CNTNAP2: variants seen among roughly 807,000 people sequenced by gnomAD.
CNTNAP2 encodes the protein contactin-associated protein-like 2.
A neutral mutation model predicts 155.2 loss-of-function variants in CNTNAP2; 98 were observed. The observed-to-expected ratio is 0.63, with a 90% confidence interval of 0.54 to 0.75. The LOEUF (loss-of-function observed/expected upper bound fraction) is 0.75, where lower values mean the gene tolerates loss of function less well. Ranked by LOEUF, CNTNAP2 falls within the 30% of genes least tolerant of loss-of-function variation. The probability of loss-of-function intolerance (pLI) is 0.00; values close to 1 mark genes in which losing one functional copy is unlikely to be tolerated. For missense variants in CNTNAP2, 1,727 were observed against 1,688.1 expected, an observed-to-expected ratio of 1.02 and a Z score of -0.40; for synonymous variants, 651 against 631.2, an observed-to-expected ratio of 1.03 and a Z score of -0.47.
chr7:148,388,609 T>G (rs964687486), intron 22 of CNTNAP2, among the ~76,000 whole-genome samples: 5 of 152,180 alleles, frequency 3.3e-5, no homozygotes, highest in Non-Finnish European at 7.3e-5. Flanking sequence ...AGAGGTGCTC[T>G]GCTTTTTAGA....
chr7:146,663,862 T>A (rs1001566647), intron 1 of CNTNAP2, among the ~76,000 whole-genome samples: 1 of 152,070 alleles, frequency 6.6e-6, no homozygotes, highest in Non-Finnish European at 1.5e-5. Flanking sequence ...TATTCATTTA[T>A]TTATTTATTT....
intron 12 of CNTNAP2, among the ~76,000 whole-genome samples, chr7:147,629,112 C>T (rs145724525): frequency 9.9e-5 from 15 of 152,088 alleles, no homozygotes; most frequent in Middle Eastern, 3.4e-3. Flanking sequence ...AAAGAAATAA[C>T]GGACATAGGC....
At chr7:146,558,179 C>G (rs1012758868) in intron 1 of CNTNAP2, among the ~76,000 whole-genome samples, 2 of 152,142 alleles carry the variant, frequency 1.3e-5, no homozygotes, top group Admixed American at 6.5e-5. Context: ...CATTCATAGC[C>G]TGAGGCACCG....
intron 11 of CNTNAP2, among the ~76,000 whole-genome samples, chr7:147,515,306 A>C: frequency 6.9e-6 from 1 of 145,888 alleles, no homozygotes. Context: ...ATTTTTCTTC[A>C]TAGTTCATTA....
chr7:147,634,542 C>A (rs1039802479), intron 12 of CNTNAP2, among the ~76,000 whole-genome samples: 1 of 151,912 alleles, frequency 6.6e-6, no homozygotes, highest in African/African-American at 2.4e-5. Context: ...CAGAAATCAC[C>A]ACTAAAGAAC....
intron 21 of CNTNAP2, among the ~76,000 whole-genome samples, chr7:148,268,074 A>G (rs1796706499): frequency 6.6e-6 from 1 of 152,222 alleles, no homozygotes; most frequent in Non-Finnish European, 1.5e-5. Context: ...ATGTACCATG[A>G]GCCACAGATA....
intron 14 of CNTNAP2, among the ~76,000 whole-genome samples, chr7:147,964,021 G>A (rs1021051367): frequency 3.3e-5 from 5 of 152,046 alleles, no homozygotes; most frequent in African/African-American, 1.2e-4. Context: ...GATTGTATTT[G>A]GAGACAGGGT....
At position 148,417,724 on chromosome 7, in the gene CNTNAP2, C is replaced by CACTT. The variant is rs765991684; in HGVS notation, c.*2111_*2114dup. Reference sequence around the variant, plus strand: ...ACCTGGTTTACAGGTATTACTTCTGCACTTACCAAATAATGCCAGATGGAA... The same window carrying CACTT: ...ACCTGGTTTACAGGTATTACTTCTGCACTTACTTACCAAATAATGCCAGATGGAA... On this transcript the variant is annotated 3_prime_UTR_variant, in exon 24 of 24. Transcript: ENST00000361727. 2.0e-5 allele frequency: 3 copies of CACTT among 152,206 alleles called. No homozygotes were observed. Among genetic ancestry groups the CACTT allele is most frequent in the African/African-American group, 7.2e-5 (3 of 41,454 alleles). The allele number at this position is 152,206 out of a possible 1,614,324, so 9.4% of individuals were successfully genotyped here. A position where few individuals can be genotyped will look rare whatever the true frequency, so the allele number is the denominator to read the frequency against.
At chr7:146,507,073 G>T (rs139436210) in intron 1 of CNTNAP2, among the ~76,000 whole-genome samples, 1 of 152,142 alleles carries the variant, frequency 6.6e-6, no homozygotes, top group African/African-American at 2.4e-5. Flanking sequence ...GCCCCACTTT[G>T]CTAAGGTGGA....
In CNTNAP2 at chr7:146,117,425, G is replaced by A. The variant is rs142227669; in HGVS notation, c.97+452G>A. ...AAGAGGAGCATGTTTTAAACAGTTTGGGCACCTATAGGGTCTCTTTAACCT... is the reference window on the plus strand; with the variant it reads ...AAGAGGAGCATGTTTTAAACAGTTTAGGCACCTATAGGGTCTCTTTAACCT... On this transcript the variant is annotated intron_variant, in intron 1 of 23. Coordinates refer to ENST00000361727, the MANE Select transcript of CNTNAP2 (RefSeq NM_014141.6). 7.5e-4 allele frequency: 118 copies of A among 157,190 alleles called. No homozygotes were observed. In the East Asian group the frequency reaches 0.018, roughly 24 times the overall value. The allele number at this position is 157,190 out of a possible 1,614,324, so 9.7% of individuals were successfully genotyped here.
intron 15 of CNTNAP2, among the ~76,000 whole-genome samples, chr7:147,981,616 C>G (rs1019505475): frequency 2.0e-5 from 3 of 152,210 alleles, no homozygotes; most frequent in South Asian, 2.1e-4. Context: ...GGGCTCTGCC[C>G]AACCATTTCA....
rs73465187 is a variant in CNTNAP2, at chr7:147,282,291, T to G, written c.1349-17850T>G. 6.6e-3 allele frequency among the ~76,000 whole-genome samples: 996 copies of G among 151,986 alleles called. 11 individuals carry two copies. The highest frequency in any genetic ancestry group is 0.023 in the African/African-American group (959 of 41,500). Reference sequence around the variant, plus strand: ...GTGTGACCAGCCACATGAAACTCCTTTCTCAAATAATGTATATTTAGTTTT... The same window carrying G: ...GTGTGACCAGCCACATGAAACTCCTGTCTCAAATAATGTATATTTAGTTTT... On this transcript the variant is annotated intron_variant, in intron 8 of 23. Coordinates refer to ENST00000361727, the MANE Select transcript of CNTNAP2 (RefSeq NM_014141.6).
chr7:147,914,608 T>C (rs1800126777), intron 14 of CNTNAP2, among the ~76,000 whole-genome samples: 1 of 151,302 alleles, frequency 6.6e-6, no homozygotes, highest in Non-Finnish European at 1.5e-5. Flanking sequence ...TTGCCCCAGC[T>C]GAAATACAGT....
chr7:146,229,524 T>G (rs1278596114), intron 1 of CNTNAP2, among the ~76,000 whole-genome samples: 1 of 152,152 alleles, frequency 6.6e-6, no homozygotes. Flanking sequence ...TGATGTAGCC[T>G]AGGTTACAAG....
At chr7:147,738,438 C>G (rs548760470) in intron 13 of CNTNAP2, among the ~76,000 whole-genome samples, 1 of 152,156 alleles carries the variant, frequency 6.6e-6, no homozygotes, top group Non-Finnish European at 1.5e-5. Flanking sequence ...GCCATGGCCA[C>G]CCCAGCTTTC....
chr7:147,213,083 T>G lies in CNTNAP2; in HGVS notation c.1348+80574T>G, dbSNP rs561635566. Among the ~76,000 whole-genome samples the G allele has an allele frequency of 3.3e-5, 5 of 152,234 alleles. No individual in the cohort carries two copies. The South Asian group carries it at 1.0e-3, about 32-fold the overall frequency. ...GTGATTTATTGTAGGAATTTGTTCA[T>G]GCAATAATGGATACTGATAAGTCCC... On this transcript the variant is annotated intron_variant, in intron 8 of 23. Transcript: ENST00000361727.
Position 148,378,058 on chromosome 7 carries a change from G to A in CNTNAP2, c.3476-5591G>A, listed in dbSNP as rs1187049148. ...TTCCCACCTTACGATGGGTGTATGGGGAGGTAACCCCATTATACGTTGAAA... is the reference window on the plus strand; with the variant it reads ...TTCCCACCTTACGATGGGTGTATGGAGAGGTAACCCCATTATACGTTGAAA... On this transcript the variant is annotated intron_variant, in intron 21 of 23. Transcript: ENST00000361727. Among the ~76,000 whole-genome samples the A allele has an allele frequency of 5.9e-5, 4 of 68,040 alleles. 2 individuals are homozygous for A. In the East Asian group the frequency reaches 1.7e-3, roughly 29 times the overall value. 44.6% of individuals were successfully genotyped at this position (68,040 alleles called of 152,430 possible). A position where few individuals can be genotyped will look rare whatever the true frequency, so the allele number is the denominator to read the frequency against.
intron 14 of CNTNAP2, among the ~76,000 whole-genome samples, chr7:147,954,694 TTAAC>T (rs1800990732): frequency 1.3e-5 from 2 of 152,236 alleles, no homozygotes; most frequent in Admixed American, 6.5e-5. Context: ...TTTATTTTAA[TTAAC>T]TCTCTTAGAA....
rs1185500348 is a variant in CNTNAP2 at position 147,959,222 on chromosome 7, G to A, written c.2256-18640G>A. 2.0e-5 allele frequency among the ~76,000 whole-genome samples: 3 copies of A among 152,204 alleles called. No homozygotes were observed. The East Asian group carries it at 5.8e-4, about 30-fold the overall frequency. ...AGAGTTCCCAGTGGTTGGCTCAAGT[G>A]TGAGTGCACATTCAGGTTTTCCAGT... On this transcript the variant is annotated intron_variant, in intron 14 of 23. Coordinates refer to ENST00000361727, the MANE Select transcript of CNTNAP2 (RefSeq NM_014141.6).
Sources: allele counts gnomAD v4.1 joint callset (sites outside exome capture counted in the v4.1 genomes callset), GRCh38; gene constraint gnomAD v4.1.1; transcripts MANE v1.5; gene names NCBI Gene and HGNC (gene_info 2026-07-23, HGNC 2026-07-21).